Variants in USP2 observed in about 807,000 individuals in gnomAD.
USP2 encodes the protein ubiquitin specific peptidase 2.
In USP2, 33 loss-of-function variants were observed where a neutral mutation model predicts 72.0. That is an observed-to-expected ratio of 0.46 (90% confidence interval 0.35 to 0.61). The LOEUF is 0.61. Among genes scored for constraint, USP2 ranks in the 20% least tolerant of loss-of-function variants. The pLI, the probability that USP2 is intolerant of heterozygous loss-of-function variation, is 0.01. For missense variants in USP2, 691 were observed against 797.8 expected, an observed-to-expected ratio of 0.87 and a Z score of 1.61; for synonymous variants, 296 against 312.5, an observed-to-expected ratio of 0.95 and a Z score of 0.56.
At chr11:119,367,449 A>G (rs1185794699) in intron 2 of USP2, among the ~76,000 whole-genome samples, 1 of 152,200 alleles carries the variant, frequency 6.6e-6, no homozygotes, top group African/African-American at 2.4e-5. Flanking sequence ...GATGTCTTAA[A>G]GCCTGGCTCC....
At chr11:119,360,749 C>T (rs577877900) in intron 2 of USP2, among the ~76,000 whole-genome samples, 7 of 152,098 alleles carry the variant, frequency 4.6e-5, no homozygotes, top group Non-Finnish European at 8.8e-5. Context: ...TTTCAACAAC[C>T]AACAAAAATA....
chr11:119,364,400 C>A (rs1378618264), intron 2 of USP2, among the ~76,000 whole-genome samples: 1 of 152,060 alleles, frequency 6.6e-6, no homozygotes. Flanking sequence ...GACCCCCGGC[C>A]AGGCAGGCCC....
chr11:119,368,314 T>G (rs1950881927), intron 2 of USP2, among the ~76,000 whole-genome samples: 1 of 152,328 alleles, frequency 6.6e-6, no homozygotes, highest in East Asian at 1.9e-4. Context: ...GATCTCAGGC[T>G]GCCAAGCTAG....
At chr11:119,371,775 C>G (rs1277049783) in intron 2 of USP2, among the ~76,000 whole-genome samples, 1 of 152,158 alleles carries the variant, frequency 6.6e-6, no homozygotes, top group Non-Finnish European at 1.5e-5. Context: ...CTTGCCTGTC[C>G]ATCTGTCCAC....
chr11:119,360,780 T>C (rs760873880), intron 2 of USP2, among the ~76,000 whole-genome samples: 8 of 152,116 alleles, frequency 5.3e-5, no homozygotes, highest in Non-Finnish European at 1.0e-4. Flanking sequence ...CTTTATTGAG[T>C]GTGTATTGAC....
rs1352215303 is a variant in USP2 at position 119,379,420 on chromosome 11, GCAGT to G, written c.-42+2049_-42+2052del. The G allele has an allele frequency of 6.7e-6, 4 of 597,650 alleles. No homozygotes were observed. In the African/African-American group the frequency reaches 8.0e-5, roughly 12 times the overall value. 37.0% of individuals were successfully genotyped at this position (597,650 alleles called of 1,614,324 possible). ...ATATGGAGAAAGTGGATTTTCCAGA[GCAGT>G]CAGTCACAGAATTAGAGAACAGGAA... is the stretch of plus-strand genomic sequence containing the variant. On this transcript the variant is annotated intron_variant, in intron 1 of 12. Transcript: ENST00000260187.
chr11:119,356,706 C>T lies in USP2; in HGVS notation c.*129G>A, dbSNP rs1380297420. The stretch of plus-strand genomic sequence containing the variant: ...TGATCAGGCTGCATCCACTCCTGCT[C>T]GGCAGCTTCAGGTTTGTTTTTCTCT... On this transcript the variant is annotated 3_prime_UTR_variant, in exon 13 of 13. Transcript: ENST00000260187. The T allele has an allele frequency of 2.0e-6, 2 of 979,868 alleles. No homozygotes were observed. Among genetic ancestry groups the T allele is most frequent in the South Asian group, 1.7e-5 (1 of 59,104 alleles). The allele number at this position is 979,868 out of a possible 1,614,324, so 60.7% of individuals were successfully genotyped here. A position where few individuals can be genotyped will look rare whatever the true frequency, so the allele number is the denominator to read the frequency against.
intron 2 of USP2, among the ~76,000 whole-genome samples, chr11:119,370,642 G>C (rs891659383): frequency 6.6e-6 from 1 of 152,148 alleles, no homozygotes; most frequent in East Asian, 1.9e-4. Flanking sequence ...GTTAAATAAA[G>C]GTCTTGTACT....
At chr11:119,362,780 A>G (rs977521278) in intron 2 of USP2, among the ~76,000 whole-genome samples, 4 of 152,304 alleles carry the variant, frequency 2.6e-5, no homozygotes, top group Admixed American at 6.5e-5. Context: ...AATGACCCCA[A>G]GTGTTATGCT....
At position 119,373,534 on chromosome 11, in the gene USP2, G is replaced by A; in HGVS notation, c.-41-13C>T. 1 of 1,507,824 alleles carries A rather than the reference G, an allele frequency of 6.6e-7. No individual in the cohort carries two copies. The highest frequency in any genetic ancestry group is 8.8e-7 in the Non-Finnish European group (1 of 1,136,052). 93.4% of individuals were successfully genotyped at this position (1,507,824 alleles called of 1,614,324 possible). On this transcript the variant is annotated splice_polypyrimidine_tract_variant and intron_variant, in intron 1 of 12. Coordinates refer to ENST00000260187, the MANE Select transcript of USP2 (RefSeq NM_004205.5). Reference sequence around the variant, plus strand: ...GGAGCCTCATGGGCTGAAAGACAAGGAGTGTAGTTGTCAGAGGGCCCTGCC... The same window carrying A: ...GGAGCCTCATGGGCTGAAAGACAAGAAGTGTAGTTGTCAGAGGGCCCTGCC...
intron 2 of USP2, among the ~76,000 whole-genome samples, chr11:119,366,641 T>C (rs1950856261): frequency 1.4e-5 from 2 of 141,100 alleles, no homozygotes; most frequent in Non-Finnish European, 3.1e-5. Flanking sequence ...GTGTTGATCT[T>C]GTCTCTAAAG....
chr11:119,372,199 G>A (rs1213486311), intron 2 of USP2, among the ~76,000 whole-genome samples: 1 of 152,214 alleles, frequency 6.6e-6, no homozygotes, highest in Non-Finnish European at 1.5e-5. Context: ...GTATGCCAGT[G>A]TCACTCAGAG....
intron 2 of USP2, among the ~76,000 whole-genome samples, chr11:119,371,619 C>G (rs888831004): frequency 6.6e-6 from 1 of 152,210 alleles, no homozygotes; most frequent in African/African-American, 2.4e-5. Flanking sequence ...ATTCCTGAAC[C>G]CCTGCTGCAT....
intron 7 of USP2, chr11:119,358,566 T>G (rs980714798): frequency 3.1e-6 from 2 of 648,092 alleles, no homozygotes; most frequent in African/African-American, 3.7e-5. Context: ...TCTACCCGCC[T>G]TGGCCTCCCA....
At chr11:119,378,328 G>C (rs374012357) in intron 1 of USP2, among the ~76,000 whole-genome samples, 1 of 151,682 alleles carries the variant, frequency 6.6e-6, no homozygotes, top group African/African-American at 2.4e-5. Flanking sequence ...TAGGGGATGG[G>C]GGGGCGGGGG....
chr11:119,366,186 C>T (rs187446817), intron 2 of USP2, among the ~76,000 whole-genome samples: 29 of 152,338 alleles, frequency 1.9e-4, no homozygotes, highest in Non-Finnish European at 1.5e-4. Context: ...TGAGCCACCA[C>T]GCCCGGCCTA....
chr11:119,359,783 T>C (rs1950734014), intron 3 of USP2, 123 bp from the exon 4 acceptor site: 6 of 1,346,328 alleles, frequency 4.5e-6, no homozygotes, highest in East Asian at 2.4e-5. Context: ...TATCCTTTCA[T>C]AGCCTCAAGT....
intron 2 of USP2, among the ~76,000 whole-genome samples, chr11:119,371,563 G>T (rs1950926882): frequency 6.6e-6 from 1 of 152,114 alleles, no homozygotes; most frequent in Non-Finnish European, 1.5e-5. Flanking sequence ...TATCAAAGTT[G>T]CTCTCTCAAG....
chr11:119,369,086 C>T (rs191337751), intron 2 of USP2, among the ~76,000 whole-genome samples: 149 of 152,286 alleles, frequency 9.8e-4, no homozygotes, highest in Non-Finnish European at 1.2e-3. Context: ...CCTGAGCTGG[C>T]TTGGAGTCCC....
Sources: gnomAD v4.1 joint callset for allele counts (sites outside exome capture counted in the v4.1 genomes callset) on GRCh38, gnomAD v4.1.1 for gene constraint, MANE v1.5 for transcripts, NCBI Gene and HGNC (gene_info 2026-07-23, HGNC 2026-07-21) for gene names.